Variants in ACER1 observed in about 807,000 individuals in gnomAD.
The protein encoded by ACER1 is CTB-180A7.3.
Under a neutral mutation model 24.9 loss-of-function variants are expected in ACER1, and 28 were observed. That is an observed-to-expected ratio of 1.13 (90% confidence interval 0.83 to 1.54). The LOEUF is 1.54. ACER1 is among the 40% of genes most tolerant of loss of function. ACER1 has a pLI of 0.00. For missense variants in ACER1, 352 were observed against 349.3 expected, an observed-to-expected ratio of 1.01 and a Z score of -0.06; for synonymous variants, 132 against 131.4, an observed-to-expected ratio of 1.00 and a Z score of -0.03.
chr19:6,356,373 C>A, the ACER1 span, among the ~76,000 whole-genome samples: 36 of 149,152 alleles, frequency 2.4e-4, no homozygotes, highest in Non-Finnish European at 4.1e-4. Flanking sequence ...AAACCAGAGA[C>A]CCTTGTTCAC....
At chr19:6,329,943 T>A (rs1323609987) in intron 1 of ACER1, among the ~76,000 whole-genome samples, 1 of 151,480 alleles carries the variant, frequency 6.6e-6, no homozygotes, top group East Asian at 1.9e-4. Context: ...TGATCTCAGC[T>A]CACTGCAAGT....
At chr19:6,341,180 A>G in the ACER1 span, among the ~76,000 whole-genome samples, 2 of 149,180 alleles carry the variant, frequency 1.3e-5, no homozygotes, top group African/African-American at 4.9e-5. Context: ...GGCTCACTGT[A>G]ACCTCCACCT....
chr19:6,358,891 C>T, the ACER1 span, among the ~76,000 whole-genome samples: 55 of 147,942 alleles, frequency 3.7e-4, no homozygotes, highest in Non-Finnish European at 6.4e-4. Flanking sequence ...CGAGATTGTG[C>T]CATTGCACTC....
chr19:6,331,483 TG>T, intron 1 of ACER1, among the ~76,000 whole-genome samples: 3 of 148,616 alleles, frequency 2.0e-5, no homozygotes, highest in African/African-American at 7.4e-5. Flanking sequence ...GCAAGGCCTA[TG>T]TGCAGGGCAT....
the ACER1 span, among the ~76,000 whole-genome samples, chr19:6,352,666 C>T: frequency 2.0e-5 from 3 of 152,202 alleles, no homozygotes; most frequent in Admixed American, 6.5e-5. Flanking sequence ...CAGGTGCACA[C>T]CTTTGATCAT....
chr19:6,349,250 G>A, the ACER1 span, among the ~76,000 whole-genome samples: 5 of 151,666 alleles, frequency 3.3e-5, no homozygotes, highest in Admixed American at 2.0e-4. Flanking sequence ...GCAGAGGCAG[G>A]TGGATGGCTT....
chr19:6,343,668 CA>C, the ACER1 span: 1 of 152,896 alleles, frequency 6.5e-6, no homozygotes, highest in Non-Finnish European at 1.5e-5. Context: ...TCAATCCCAA[CA>C]TGGCTTTGGT....
chr19:6,314,884 ATTTAT>A (rs1389270263), intron 1 of ACER1, among the ~76,000 whole-genome samples: 2 of 147,418 alleles, frequency 1.4e-5, no homozygotes, highest in African/African-American at 5.4e-5. Flanking sequence ...TTATTTATTT[ATTTAT>A]TTATTTATTT....
At chr19:6,341,441 C>T in the ACER1 span, among the ~76,000 whole-genome samples, 1 of 147,178 alleles carries the variant, frequency 6.8e-6, no homozygotes, top group East Asian at 2.0e-4. Flanking sequence ...GGGAAGATTG[C>T]TTGAGCCTAA....
chr19:6,358,382 T>A, the ACER1 span, among the ~76,000 whole-genome samples: 2 of 152,160 alleles, frequency 1.3e-5, no homozygotes, highest in African/African-American at 4.8e-5. Flanking sequence ...TACTCCTGAT[T>A]CTACAAAACT....
the ACER1 span, among the ~76,000 whole-genome samples, chr19:6,350,011 G>A: frequency 6.6e-6 from 1 of 152,034 alleles, no homozygotes; most frequent in African/African-American, 2.4e-5. Context: ...CATGCCTGTG[G>A]TCCCAGCTAT....
the ACER1 span, among the ~76,000 whole-genome samples, chr19:6,351,770 C>T: frequency 6.9e-6 from 1 of 145,896 alleles, no homozygotes; most frequent in African/African-American, 2.6e-5. Context: ...AAATTTAAAC[C>T]CTTAGGCCGG....
At chr19:6,335,975 A>C (rs80300123), upstream of ACER1, among the ~76,000 whole-genome samples, 1 of 148,830 alleles carries the variant, frequency 6.7e-6, no homozygotes, top group African/African-American at 2.5e-5. Context: ...ATCTCAGCTC[A>C]CTGCAACCTC....
chr19:6,336,027 A>G (rs1006382251), upstream of ACER1, among the ~76,000 whole-genome samples: 2 of 151,434 alleles, frequency 1.3e-5, no homozygotes, highest in Non-Finnish European at 2.9e-5. Flanking sequence ...CAGCCTCCCA[A>G]GTAGCTGGAT....
intron 1 of ACER1, among the ~76,000 whole-genome samples, chr19:6,318,248 T>C: frequency 6.8e-6 from 1 of 148,120 alleles, no homozygotes; most frequent in East Asian, 2.2e-4. Context: ...GGTGGGCCGA[T>C]CACCTGAAGT....
chr19:6,331,686 C>T (rs965562519), intron 1 of ACER1, among the ~76,000 whole-genome samples: 2 of 151,610 alleles, frequency 1.3e-5, no homozygotes, highest in African/African-American at 2.4e-5. Context: ...CCCAACTACT[C>T]GGGAAGCTGA....
intron 4 of ACER1, 152 bp from the exon 5 acceptor site, chr19:6,307,442 C>A: frequency 1.2e-6 from 1 of 844,884 alleles, no homozygotes. Context: ...GGCCCAATCT[C>A]GTGCTTAGAA....
intron 3 of ACER1, among the ~76,000 whole-genome samples, chr19:6,311,646 AAGG>A (rs1029075769): frequency 3.4e-5 from 5 of 148,238 alleles, no homozygotes; most frequent in Non-Finnish European, 4.5e-5. Flanking sequence ...GAAGAAGAAG[AAGG>A]AGAAGGAGGA....
chr19:6,320,231 T>C (rs1468874677), intron 1 of ACER1, among the ~76,000 whole-genome samples: 3 of 152,116 alleles, frequency 2.0e-5, no homozygotes, highest in African/African-American at 4.8e-5. Flanking sequence ...CTGTCTCCAG[T>C]TGAGGACAGC....
Sources: gnomAD v4.1 joint callset for allele counts (sites outside exome capture counted in the v4.1 genomes callset) on GRCh38, gnomAD v4.1.1 for gene constraint, MANE v1.5 for transcripts, NCBI Gene and HGNC (gene_info 2026-07-23, HGNC 2026-07-21) for gene names.